Variants in RILPL1 observed in about 807,000 individuals in gnomAD.
RILPL1 encodes RILP-like protein 1.
In RILPL1, 33 loss-of-function variants were observed where a neutral mutation model predicts 50.3. That is an observed-to-expected ratio of 0.66 (90% CI 0.50 to 0.88). The LOEUF (loss-of-function observed/expected upper bound fraction) is 0.88, where lower values mean the gene tolerates loss of function less well. RILPL1 is among the 40% of genes least tolerant of loss of function. The pLI, the probability that RILPL1 is intolerant of heterozygous loss-of-function variation, is 0.00. For synonymous variants in RILPL1, 205 were observed against 228.6 expected, an observed-to-expected ratio of 0.90 and a Z score of 0.93; for missense variants, 418 against 542.5, an observed-to-expected ratio of 0.77 and a Z score of 2.28.
At chr12:123,500,432 G>A (rs1883306639) in intron 2 of RILPL1, among the ~76,000 whole-genome samples, 1 of 151,562 alleles carries the variant, frequency 6.6e-6, no homozygotes, top group Non-Finnish European at 1.5e-5. Flanking sequence ...CAACAGACAT[G>A]TGCTACCTCG....
intron 6 of RILPL1, chr12:123,475,531 T>G: frequency 1.5e-6 from 1 of 668,466 alleles, no homozygotes; most frequent in African/African-American, 1.8e-5. Flanking sequence ...AACATCCACG[T>G]CAAATGGAGC....
chr12:123,477,032 C>T (rs1881638986), intron 6 of RILPL1, among the ~76,000 whole-genome samples: 1 of 152,162 alleles, frequency 6.6e-6, no homozygotes, highest in African/African-American at 2.4e-5. Flanking sequence ...GAGACTGAAG[C>T]AGAGGGGCCA....
rs1881258765 is a variant in RILPL1, at chr12:123,472,557, T to C, written c.1193A>G (p.Glu398Gly). Reference sequence around the variant, plus strand: ...CCAAGGTCACAGATGCTGCAGGGCTTCCTGTCCTTGCTCTGTGTAACCGTC... The same window carrying C: ...CCAAGGTCACAGATGCTGCAGGGCTCCCTGTCCTTGCTCTGTGTAACCGTC... The part of the protein sequence containing the change: ...RDDGYTEQGQ[E>G]ALQHL The change falls in exon 7 of 7, where the codon GAA (glutamate) becomes GGA (glycine). Residue 398 changes from glutamate (E) to glycine (G), a missense_variant. Physicochemically the swap from Glu to Gly is moderately conservative, Grantham distance 98. Coordinates refer to ENST00000376874, the MANE Select transcript of RILPL1 (RefSeq NM_178314.5). 1 of 1,552,280 alleles carries C rather than the reference T, an allele frequency of 6.4e-7. No individual in the cohort carries two copies. Among genetic ancestry groups the C allele is most frequent in the Non-Finnish European group, 8.7e-7 (1 of 1,147,390 alleles).
intron 1 of RILPL1, among the ~76,000 whole-genome samples, chr12:123,527,125 G>A (rs954423967): frequency 6.6e-6 from 1 of 152,152 alleles, no homozygotes; most frequent in African/African-American, 2.4e-5. Flanking sequence ...TAGGCTAGGA[G>A]TTTGAGAACA....
chr12:123,530,654 G>A (rs1343992601), intron 1 of RILPL1, among the ~76,000 whole-genome samples: 1 of 152,222 alleles, frequency 6.6e-6, no homozygotes, highest in Non-Finnish European at 1.5e-5. Flanking sequence ...ATGAGTGAAT[G>A]AATAGCATAG....
At chr12:123,530,372 G>A (rs1202991179) in intron 1 of RILPL1, among the ~76,000 whole-genome samples, 2 of 152,174 alleles carry the variant, frequency 1.3e-5, no homozygotes, top group Non-Finnish European at 2.9e-5. Context: ...TGCCATATTG[G>A]CCAAGCTGGT....
chr12:123,484,188 G>T lies in RILPL1; in HGVS notation c.1059C>A (p.Ile353=). ...PRTSPQPESG[I]KRLFSFFSRD... ...GGCAGCGCATCACTTACAGTCGCTT[G>T]ATGCCCGACTCCGGCTGGGGGGACG... Residue 353 remains isoleucine (I), a synonymous_variant, in exon 6 of 7, where the codon ATC becomes ATA. Transcript: ENST00000376874. The T allele has an allele frequency of 6.3e-7, 1 of 1,599,042 alleles. No homozygotes were observed. The highest frequency in any genetic ancestry group is 8.6e-7 in the Non-Finnish European group (1 of 1,167,316).
Position 123,516,237 on chromosome 12 carries a change from G to C in RILPL1, c.460+7258C>G, listed in dbSNP as rs555736788. Among the ~76,000 whole-genome samples, 17 of 152,222 alleles carry C rather than the reference G, an allele frequency of 1.1e-4. No individual in the cohort carries two copies. In the South Asian group the frequency reaches 3.5e-3, roughly 32 times the overall value. On this transcript the variant is annotated intron_variant, in intron 2 of 6. Coordinates refer to ENST00000376874, the MANE Select transcript of RILPL1 (RefSeq NM_178314.5). ...CACAGCTCACATTTCTCATGAAGTT[G>C]GTCTCGGATCACCTGGGCCCGTGTT... is the stretch of plus-strand genomic sequence containing the variant.
chr12:123,531,115 G>GAAA (rs10592345), intron 1 of RILPL1, among the ~76,000 whole-genome samples: 14 of 143,672 alleles, frequency 9.7e-5, no homozygotes, highest in Non-Finnish European at 1.4e-4. Context: ...GACTCTGCAG[G>GAAA]AAAAAAAAAA....
chr12:123,531,595 G>C (rs1885446144), intron 1 of RILPL1, among the ~76,000 whole-genome samples: 1 of 152,158 alleles, frequency 6.6e-6, no homozygotes, highest in African/African-American at 2.4e-5. Flanking sequence ...GAGCCTGTGA[G>C]CACCTCAATG....
At chr12:123,523,225 A>G (rs1885131533) in intron 2 of RILPL1, among the ~76,000 whole-genome samples, 1 of 152,156 alleles carries the variant, frequency 6.6e-6, no homozygotes, top group Non-Finnish European at 1.5e-5. Context: ...CGTTTAACAC[A>G]TATCCCAGGG....
In RILPL1 at chr12:123,491,738, G is replaced by A. The variant is rs577630279; in HGVS notation, c.802-5933C>T. On this transcript the variant is annotated intron_variant, in intron 4 of 6. Transcript: ENST00000376874. The surrounding 1 kb of genome is among the most constrained non-coding windows in gnomAD (Gnocchi z 4.0). ...GAAATCAAAACGTGTGGCTGGGCGC[G>A]GTGGCTCACACCTGTAATCCCAGCA... 2.2e-4 allele frequency among the ~76,000 whole-genome samples: 33 copies of A among 152,296 alleles called. No individual in the cohort carries two copies. Among genetic ancestry groups the A allele is most frequent in the African/African-American group, 7.2e-4 (30 of 41,554 alleles).
chr12:123,520,371 C>A (rs11522338), intron 2 of RILPL1, among the ~76,000 whole-genome samples: 84,352 of 152,054 alleles, frequency 0.55, 25,422 homozygotes, highest in East Asian at 0.9. Context: ...CCAGCCTGGC[C>A]AACATGGTGA....
rs558032996 is a variant in RILPL1 at position 123,491,106 on chromosome 12, C to A, written c.802-5301G>T. On this transcript the variant is annotated intron_variant, in intron 4 of 6. Transcript: ENST00000376874. This position sits in a 1 kb window ranked among gnomAD's most constrained non-coding sequence, Gnocchi z 4.0. ...GCAGAAGGACAGCCCTGGGCTCCAG[C>A]TTCTCGAGAGGCCACCAGGCAGTGA... 2.2e-4 allele frequency among the ~76,000 whole-genome samples: 34 copies of A among 152,324 alleles called. No individual in the cohort carries two copies. The highest frequency in any genetic ancestry group is 8.2e-4 in the African/African-American group (34 of 41,572).
chr12:123,512,244 G>A (rs573896672), intron 2 of RILPL1, among the ~76,000 whole-genome samples: 16 of 135,330 alleles, frequency 1.2e-4, no homozygotes, highest in African/African-American at 4.4e-4. Flanking sequence ...GGTGTGTGCA[G>A]TGTGTGTGTA....
Position 123,498,870 on chromosome 12 carries a change from A to C in RILPL1, c.580-105T>G, listed in dbSNP as rs1883195614. The C allele has an allele frequency of 9.6e-7, 1 of 1,038,974 alleles. No individual in the cohort carries two copies. The highest frequency in any genetic ancestry group is 1.5e-6 in the Non-Finnish European group (1 of 685,882). The allele number at this position is 1,038,974 out of a possible 1,614,324, so 64.4% of individuals were successfully genotyped here. A position where few individuals can be genotyped will look rare whatever the true frequency, so the allele number is the denominator to read the frequency against. On this transcript the variant is annotated intron_variant, in intron 3 of 6. Transcript: ENST00000376874. This position sits in a 1 kb window ranked among gnomAD's most constrained non-coding sequence, Gnocchi z 4.3. ...CATAGGTGTGCCATTTACATTGCAG[A>C]CATCTTTGTTTGAAAGTTGTTCGTA... is the stretch of plus-strand genomic sequence containing the variant.
At chr12:123,521,619 GTATATATATACACACATA>G (rs750509275) in intron 2 of RILPL1, among the ~76,000 whole-genome samples, 64,935 of 89,016 alleles carry the variant, frequency 0.73, 23,295 homozygotes, top group East Asian at 0.91. Context: ...ACACATATGT[GTATATATATACACACATA>G]TGTGTATATA....
intron 1 of RILPL1, among the ~76,000 whole-genome samples, chr12:123,531,162 G>C (rs2139395945): frequency 6.6e-6 from 1 of 152,034 alleles, no homozygotes; most frequent in African/African-American, 2.4e-5. Flanking sequence ...CCAAGAATGT[G>C]AAGTAAACGG....
chr12:123,503,186 C>CTGTTTTTTT (rs1883512032), intron 2 of RILPL1, among the ~76,000 whole-genome samples: 1 of 80,740 alleles, frequency 1.2e-5, no homozygotes. Context: ...CACGCCTGGC[C>CTGTTTTTTT]TTTTTTTTTT....
Sources: allele counts gnomAD v4.1 joint callset (sites outside exome capture counted in the v4.1 genomes callset), GRCh38; gene constraint gnomAD v4.1.1; non-coding constraint Gnocchi (gnomAD v3.1); transcripts MANE v1.5; gene names NCBI Gene and HGNC (gene_info 2026-07-23, HGNC 2026-07-21).